Variants in USP34 observed in about 807,000 individuals in gnomAD.
USP34 encodes ubiquitin specific peptidase 34, also known as ubiquitin carboxyl-terminal hydrolase 34.
Under a neutral mutation model 460.3 loss-of-function variants are expected in USP34, and 70 were observed. The observed-to-expected ratio is 0.15, with a 90% confidence interval of 0.13 to 0.19. The LOEUF (loss-of-function observed/expected upper bound fraction) is 0.19, where lower values mean the gene tolerates loss of function less well. USP34 is among the 10% of genes least tolerant of loss of function. The pLI is 1.00. For missense variants in USP34, 3,985 were observed against 4,236.2 expected, an observed-to-expected ratio of 0.94 and a Z score of 1.65; for synonymous variants, 1,647 against 1,405.3, an observed-to-expected ratio of 1.17 and a Z score of -3.85.
At chr2:61,384,998 G>T (rs1367093865) in intron 5 of USP34, among the ~76,000 whole-genome samples, 1 of 152,020 alleles carries the variant, frequency 6.6e-6, no homozygotes, top group Non-Finnish European at 1.5e-5. Context: ...TGAAACTAAA[G>T]AGTTTAGCAA....
At chr2:61,326,777 ATTTTTTTTTTTTT>A (rs35060068) in intron 20 of USP34, among the ~76,000 whole-genome samples, 1 of 103,034 alleles carries the variant, frequency 9.7e-6, no homozygotes, top group Non-Finnish European at 1.9e-5. Flanking sequence ...GTCAATGGGC[ATTTTTTTTTTTTT>A]TTTTTTTTTT....
chr2:61,405,992 T>G lies in USP34; in HGVS notation c.268A>C (p.Ile90Leu), dbSNP rs1693859216. The G allele has an allele frequency of 3.1e-6, 5 of 1,613,822 alleles. 1 individual carries two copies. The East Asian group carries it at 1.1e-4, about 36-fold the overall frequency. Residue 90 changes from isoleucine to leucine, a missense_variant, in exon 3 of 80, where the codon ATA (isoleucine) becomes CTA (leucine). By Grantham distance (5) the Ile-to-Leu change is conservative. This residue lies in a region of USP34 where 331 missense variants were observed against 293.7 expected (regional missense o/e 1.13). Coordinates refer to ENST00000398571, the MANE Select transcript of USP34 (RefSeq NM_014709.4). ...QLCKHCTTIN[I>L]DSTWQDESNQ... ...CTCTCATCTTGCCACGTGGAATCTA[T>G]GTTAATGGTAGTACAATGTTTACAA...
intron 32 of USP34, 101 bp downstream of exon 32, chr2:61,294,848 G>A: frequency 2.2e-6 from 2 of 924,936 alleles, no homozygotes; most frequent in Non-Finnish European, 3.3e-6. Flanking sequence ...TATTTTAATA[G>A]TATATTAGTT....
At chr2:61,392,601 G>A (rs781694208) in intron 5 of USP34, among the ~76,000 whole-genome samples, 7 of 152,102 alleles carry the variant, frequency 4.6e-5, no homozygotes, top group South Asian at 2.1e-4. Context: ...TCTAGCCTGG[G>A]TGACGGAGTG....
chr2:61,217,903 C>T (rs1427680564), intron 67 of USP34, among the ~76,000 whole-genome samples: 3 of 151,802 alleles, frequency 2.0e-5, no homozygotes, highest in African/African-American at 7.3e-5. Context: ...TGCAGTGAGC[C>T]GAGATCACGC....
chr2:61,346,527 TA>T (rs926076478), intron 15 of USP34, among the ~76,000 whole-genome samples: 11,078 of 44,222 alleles, frequency 0.25, 1,083 homozygotes, highest in African/African-American at 0.35. Context: ...CCCTATCTCT[TA>T]AAAAAAAAAA....
intron 41 of USP34, among the ~76,000 whole-genome samples, chr2:61,269,618 T>C (rs937248210): frequency 1.3e-5 from 2 of 152,110 alleles, no homozygotes; most frequent in African/African-American, 2.4e-5. Context: ...AAAAAATCTT[T>C]GAGGAGACAC....
intron 53 of USP34, among the ~76,000 whole-genome samples, chr2:61,237,352 T>C (rs1367967764): frequency 1.3e-5 from 2 of 152,140 alleles, no homozygotes; most frequent in African/African-American, 4.8e-5. Flanking sequence ...TTGTAGATTC[T>C]GTGTCACAAT....
intron 16 of USP34, among the ~76,000 whole-genome samples, chr2:61,343,492 AG>A (rs1359718080): frequency 2.0e-5 from 3 of 152,216 alleles, no homozygotes; most frequent in East Asian, 3.8e-4. Flanking sequence ...CTATACTTTT[AG>A]GTCCTAGGAT....
chr2:61,225,866 T>C (rs891787480), intron 62 of USP34, among the ~76,000 whole-genome samples: 5 of 152,228 alleles, frequency 3.3e-5, no homozygotes, highest in Admixed American at 2.6e-4. Flanking sequence ...ATGAAATGTG[T>C]CTAACACGTA....
rs772986921 is a variant in USP34, at chr2:61,348,490, G to T, written c.1675-10C>A. Reference sequence around the variant, plus strand: ...TTCCCTGCATGGATTCCTGTATTTTGAAACAAATAGATTTAAATAAATATT... The same window carrying T: ...TTCCCTGCATGGATTCCTGTATTTTTAAACAAATAGATTTAAATAAATATT... On this transcript the variant is annotated splice_polypyrimidine_tract_variant and intron_variant, in intron 14 of 79. Transcript: ENST00000398571. 6 of 1,600,224 alleles carry T rather than the reference G, an allele frequency of 3.7e-6. No individual in the cohort carries two copies. Among genetic ancestry groups the T allele is most frequent in the East Asian group, 2.2e-5 (1 of 44,732 alleles).
chr2:61,383,216 T>G lies in USP34; in HGVS notation c.821+53A>C, dbSNP rs371091093. ...AACAATATAATTCTATATTATAAAT[T>G]GTTTAAATATATTACACTGATAATC... On this transcript the variant is annotated intron_variant, in intron 6 of 79. Coordinates refer to ENST00000398571, the MANE Select transcript of USP34 (RefSeq NM_014709.4). The G allele has an allele frequency of 2.9e-5, 37 of 1,268,724 alleles. No individual in the cohort carries two copies. The East Asian group carries it at 8.8e-4, about 30-fold the overall frequency. The allele number at this position is 1,268,724 out of a possible 1,614,324, so 78.6% of individuals were successfully genotyped here.
At chr2:61,294,085 C>T (rs539397613) in intron 32 of USP34, among the ~76,000 whole-genome samples, 13 of 152,180 alleles carry the variant, frequency 8.5e-5, no homozygotes, top group African/African-American at 2.6e-4. Flanking sequence ...GTGGCTCACG[C>T]CTGTAATCCC....
At chr2:61,262,880 C>T (rs1688933523) in intron 43 of USP34, among the ~76,000 whole-genome samples, 1 of 152,166 alleles carries the variant, frequency 6.6e-6, no homozygotes, top group Non-Finnish European at 1.5e-5. Flanking sequence ...GCTATTCTGA[C>T]TGGTTTGAGA....
At chr2:61,399,427 A>G (rs2103915757) in intron 3 of USP34, among the ~76,000 whole-genome samples, 1 of 152,198 alleles carries the variant, frequency 6.6e-6, no homozygotes, top group East Asian at 1.9e-4. Context: ...ATTCAGGGGA[A>G]CTGTTTTGCC....
chr2:61,260,268 A>G (rs1572879395), intron 43 of USP34, among the ~76,000 whole-genome samples: 1 of 152,256 alleles, frequency 6.6e-6, no homozygotes, highest in Non-Finnish European at 1.5e-5. Flanking sequence ...ATATTCAACT[A>G]TCAATAAGTC....
At chr2:61,215,662 C>A (rs992185084) in intron 67 of USP34, among the ~76,000 whole-genome samples, 3 of 152,134 alleles carry the variant, frequency 2.0e-5, no homozygotes, top group Admixed American at 2.0e-4. Context: ...AGACCAAGGT[C>A]ACACAGATAA....
intron 75 of USP34, chr2:61,193,958 T>C (rs577496023): frequency 7.1e-6 from 2 of 281,850 alleles, no homozygotes; most frequent in Non-Finnish European, 1.1e-5. Context: ...TTACAAACAC[T>C]GAAATGGGAA....
chr2:61,437,261 TAAAC>T (rs1025242025), intron 1 of USP34, among the ~76,000 whole-genome samples: 12 of 151,726 alleles, frequency 7.9e-5, no homozygotes, highest in Non-Finnish European at 1.5e-5. Flanking sequence ...TTTGAAAAGA[TAAAC>T]AAAATCAACA....
Sources: allele counts gnomAD v4.1 joint callset (sites outside exome capture counted in the v4.1 genomes callset), GRCh38; gene constraint gnomAD v4.1.1; regional missense constraint gnomAD v4.1.1; transcripts MANE v1.5; gene names NCBI Gene and HGNC (gene_info 2026-07-23, HGNC 2026-07-21).